PROX1: variants seen among roughly 807,000 people sequenced by gnomAD.
The protein encoded by PROX1 is prospero homeobox 1.
A neutral mutation model predicts 58.8 loss-of-function variants in PROX1; 7 were observed. The ratio of observed to expected loss-of-function variants is 0.12; its 90% confidence interval spans 0.07 to 0.22. PROX1 has a LOEUF of 0.22. Ranked by LOEUF, PROX1 falls within the 10% of genes least tolerant of loss-of-function variation. PROX1 has a pLI of 1.00. For synonymous variants in PROX1, 350 were observed against 358.3 expected (o/e 0.98, Z 0.26); for missense variants, 675 against 927.8 (o/e 0.73, Z 3.54).
chr1:213,995,221 G>A (rs1248724882), intron 1 of PROX1, among the ~76,000 whole-genome samples: 1 of 152,088 alleles, frequency 6.6e-6, no homozygotes, highest in Non-Finnish European at 1.5e-5. Flanking sequence ...TTCATAAAAT[G>A]TTAATTATAA....
chr1:214,004,026 A>T lies in PROX1; in HGVS notation c.1726-1139A>T, dbSNP rs569275857. ...CACACTTTCTTTTCTTTTTTTTCTT[A>T]TTTTTCTTAGACACTCTTCTAAAAG... On this transcript the variant is annotated intron_variant, in intron 2 of 4. Transcript: ENST00000366958. 2.4e-4 allele frequency among the ~76,000 whole-genome samples: 36 copies of T among 149,770 alleles called. 1 individual carries two copies. The highest frequency in any genetic ancestry group is 5.9e-5 in the Non-Finnish European group (4 of 67,416).
At position 214,011,654 on chromosome 1, in the gene PROX1, C is replaced by A; in HGVS notation, c.1967C>A (p.Thr656Asn). Reference sequence around the variant, plus strand: ...ACCAGTACTGAAGAGCTGTCTATAACCAGAGACTGTGAGCTGTACAGGGCT... The same window carrying A: ...ACCAGTACTGAAGAGCTGTCTATAAACAGAGACTGTGAGCTGTACAGGGCT... ...GVTSTEELSI[T>N]RDCELYRALN... Residue 656 changes from threonine to asparagine, a missense_variant, in exon 4 of 5, where the codon ACC becomes AAC. Coordinates refer to ENST00000366958, the MANE Select transcript of PROX1 (RefSeq NM_001270616.2). 1 of 1,614,068 alleles carries A rather than the reference C, an allele frequency of 6.2e-7. No homozygotes were observed. The highest frequency in any genetic ancestry group is 8.5e-7 in the Non-Finnish European group (1 of 1,179,960).
intron 2 of PROX1, among the ~76,000 whole-genome samples, chr1:214,000,416 C>T (rs559121624): frequency 6.6e-5 from 10 of 152,290 alleles, no homozygotes; most frequent in Admixed American, 6.5e-4. Context: ...AATATAGTTG[C>T]TTCTTCTTCA....
At chr1:214,035,024 T>G (rs1290873457) in intron 4 of PROX1, among the ~76,000 whole-genome samples, 1 of 152,202 alleles carries the variant, frequency 6.6e-6, no homozygotes, top group Non-Finnish European at 1.5e-5. Flanking sequence ...TAGTTTCTGA[T>G]GTAATATTTT....
intron 4 of PROX1, among the ~76,000 whole-genome samples, chr1:214,033,542 G>A (rs1664733647): frequency 6.6e-6 from 1 of 152,186 alleles, no homozygotes; most frequent in Non-Finnish European, 1.5e-5. Flanking sequence ...AGGTTGCAGT[G>A]AGCCAGGATC....
chr1:213,991,284 T>C (rs1049253082), intron 1 of PROX1, among the ~76,000 whole-genome samples: 1 of 152,236 alleles, frequency 6.6e-6, no homozygotes, highest in Non-Finnish European at 1.5e-5. Flanking sequence ...TTCTGTAGAC[T>C]GAGTTGCACA....
intron 4 of PROX1, among the ~76,000 whole-genome samples, chr1:214,016,474 C>T (rs776566620): frequency 2.0e-5 from 3 of 152,138 alleles, no homozygotes; most frequent in Non-Finnish European, 4.4e-5. Context: ...CCTTTCACTG[C>T]TGTTGCAGTC....
intron 3 of PROX1, among the ~76,000 whole-genome samples, chr1:214,011,168 A>T (rs1320455336): frequency 6.6e-6 from 1 of 152,212 alleles, no homozygotes; most frequent in Non-Finnish European, 1.5e-5. Context: ...CCAGGATTCT[A>T]TGGCTTCAAT....
chr1:214,031,923 CAT>C (rs968426140), intron 4 of PROX1, among the ~76,000 whole-genome samples: 114 of 152,318 alleles, frequency 7.5e-4, no homozygotes, highest in Middle Eastern at 3.4e-3. Context: ...CCACCAAACA[CAT>C]GAGTTGCTCC....
At chr1:213,985,292 G>C (rs1350635745), upstream of PROX1, 1 of 152,178 alleles carries the variant, frequency 6.6e-6, no homozygotes, top group African/African-American at 2.4e-5. Flanking sequence ...CCGAGATAGG[G>C]GGCTCGGGCC....
intron 3 of PROX1, among the ~76,000 whole-genome samples, chr1:214,007,540 G>A (rs1663759712): frequency 6.6e-6 from 1 of 152,224 alleles, no homozygotes; most frequent in African/African-American, 2.4e-5. Flanking sequence ...GCCATGCAAA[G>A]AAAGGGAAAG....
At chr1:213,993,340 A>C (rs1403693369) in intron 1 of PROX1, among the ~76,000 whole-genome samples, 1 of 152,228 alleles carries the variant, frequency 6.6e-6, no homozygotes, top group Non-Finnish European at 1.5e-5. Context: ...TTAATGTTAA[A>C]ATGCAAATAT....
rs564931486 is a variant in PROX1, at chr1:214,010,560, G to A, written c.1834-961G>A. 1.3e-4 allele frequency among the ~76,000 whole-genome samples: 20 copies of A among 152,260 alleles called. No individual in the cohort carries two copies. In the East Asian group the frequency reaches 1.7e-3, roughly 13 times the overall value. ...AAGGCAGGGGGTTGTCTGTCAGCCC[G>A]CCTGATATAGAGCTATGGATTTATT... is the stretch of plus-strand genomic sequence containing the variant. On this transcript the variant is annotated intron_variant, in intron 3 of 4. Coordinates refer to ENST00000366958, the MANE Select transcript of PROX1 (RefSeq NM_001270616.2).
At chr1:214,022,828 G>C (rs1370322446) in intron 4 of PROX1, among the ~76,000 whole-genome samples, 2 of 152,204 alleles carry the variant, frequency 1.3e-5, no homozygotes, top group African/African-American at 4.8e-5. Flanking sequence ...CTAGAATAGA[G>C]GGGTATTCTG....
intron 4 of PROX1, among the ~76,000 whole-genome samples, chr1:214,031,587 G>A (rs1384312857): frequency 6.6e-6 from 1 of 152,150 alleles, no homozygotes; most frequent in Non-Finnish European, 1.5e-5. Flanking sequence ...TCATTCTGCA[G>A]ATTGTTGGGT....
intron 4 of PROX1, among the ~76,000 whole-genome samples, chr1:214,031,066 T>TGTGTGTGTGTGTGC (rs1231686198): frequency 7.4e-5 from 7 of 95,136 alleles, no homozygotes; most frequent in East Asian, 8.3e-4. Flanking sequence ...TGTGTGTGTG[T>TGTGTGTGTGTGTGC]GCGCGCGCGC....
chr1:213,996,867 T>C lies in PROX1; in HGVS notation c.332T>C (p.Phe111Ser), dbSNP rs751954209. Residue 111 changes from phenylalanine (F) to serine (S), a missense_variant, in exon 2 of 5, where the codon TTC becomes TCC. Physicochemically the swap from Phe to Ser is radical, Grantham distance 155. This residue lies in a region of PROX1 where 157 missense variants were observed against 197.8 expected (regional missense o/e 0.79). Transcript: ENST00000366958. ...AAAAATGGTGGCACGGAGCCCAGTT[T>C]CCAAGCCAGCGGTCTCTCTAGTACA... ...MNKNGGTEPS[F>S]QASGLSSTGS... 1 of 1,614,108 alleles carries C rather than the reference T, an allele frequency of 6.2e-7. No homozygotes were observed. Among genetic ancestry groups the C allele is most frequent in the South Asian group, 1.1e-5 (1 of 91,066 alleles).
chr1:214,016,251 TTC>T (rs150885845), intron 4 of PROX1, among the ~76,000 whole-genome samples: 30 of 152,288 alleles, frequency 2.0e-4, no homozygotes, highest in African/African-American at 7.2e-4. Flanking sequence ...GCTGAATATG[TTC>T]TCTACCCCAT....
Position 213,996,757 on chromosome 1 carries a change from G to A in PROX1, c.222G>A (p.Leu74=). The A allele has an allele frequency of 6.2e-7, 1 of 1,614,218 alleles. No individual in the cohort carries two copies. Among genetic ancestry groups the A allele is most frequent in the South Asian group, 1.1e-5 (1 of 91,086 alleles). Residue 74 remains leucine (L), a synonymous_variant, in exon 2 of 5, where the codon CTG becomes CTA. Coordinates refer to ENST00000366958, the MANE Select transcript of PROX1 (RefSeq NM_001270616.2). ...GEKSNVLRKL[L]KRANSYEDAM... is the part of the protein sequence containing the mutation. Reference sequence around the variant, plus strand: ...AGTCAAATGTACTCCGCAAGCTGCTGAAGAGGGCGAACTCGTATGAAGATG... The same window carrying A: ...AGTCAAATGTACTCCGCAAGCTGCTAAAGAGGGCGAACTCGTATGAAGATG...
Sources: allele counts gnomAD v4.1 joint callset (sites outside exome capture counted in the v4.1 genomes callset), GRCh38; gene constraint gnomAD v4.1.1; regional missense constraint gnomAD v4.1.1; transcripts MANE v1.5; gene names NCBI Gene and HGNC (gene_info 2026-07-23, HGNC 2026-07-21).